ARHGAP31: variants seen among roughly 807,000 people sequenced by gnomAD.
ARHGAP31 encodes Rho GTPase activating protein 31.
Under a neutral mutation model 113.9 loss-of-function variants are expected in ARHGAP31, and 34 were observed. That is an observed-to-expected ratio of 0.30 (90% CI 0.23 to 0.40). The LOEUF is 0.40. Ranked by LOEUF, ARHGAP31 falls within the 10% of genes least tolerant of loss-of-function variation. The probability of loss-of-function intolerance (pLI) is 1.00; values close to 1 mark genes in which losing one functional copy is unlikely to be tolerated. For missense variants in ARHGAP31, 1,548 were observed against 1,767.1 expected, an observed-to-expected ratio of 0.88 and a Z score of 2.22; for synonymous variants, 650 against 684.8, an observed-to-expected ratio of 0.95 and a Z score of 0.79.
chr3:119,352,886 G>T (rs779038510), intron 1 of ARHGAP31, among the ~76,000 whole-genome samples: 1 of 152,130 alleles, frequency 6.6e-6, no homozygotes, highest in African/African-American at 2.4e-5. Flanking sequence ...TCTTCCACTG[G>T]ACTGGTCTAG....
intron 3 of ARHGAP31, among the ~76,000 whole-genome samples, chr3:119,369,953 T>A (rs984453642): frequency 4.1e-5 from 6 of 146,916 alleles, no homozygotes; most frequent in Non-Finnish European, 9.0e-5. Flanking sequence ...AATGAAGATT[T>A]AAAAAAAAAA....
rs778087581 is a variant in ARHGAP31, at chr3:119,414,130, C to A, written c.2201C>A (p.Ala734Asp). ...AGCACACAGGGGGCTTCCACAGCAG[C>A]CAGCAGAGAGAAGCCGGAACCTGAG... ...NQSTQGASTA[A>D]SREKPEPEQG... is the part of the protein sequence containing the mutation. The change falls in exon 12 of 12, where the codon GCC (alanine) becomes GAC (aspartate). Residue 734 changes from alanine to aspartate, a missense_variant. By Grantham distance (126) the Ala-to-Asp change is moderately radical (BLOSUM62 -2). Coordinates refer to ENST00000264245, the MANE Select transcript of ARHGAP31 (RefSeq NM_020754.4). 6.2e-7 allele frequency: 1 copy of A among 1,614,188 alleles called. No individual in the cohort carries two copies. The highest frequency in any genetic ancestry group is 1.1e-5 in the South Asian group (1 of 91,086).
chr3:119,341,258 C>T (rs2080005517), intron 1 of ARHGAP31, among the ~76,000 whole-genome samples: 1 of 152,124 alleles, frequency 6.6e-6, no homozygotes, highest in Non-Finnish European at 1.5e-5. Context: ...GGAGAGGGTG[C>T]ATCCAACTGA....
At chr3:119,349,583 C>CTA (rs1318286166) in intron 1 of ARHGAP31, among the ~76,000 whole-genome samples, 1 of 152,168 alleles carries the variant, frequency 6.6e-6, no homozygotes, top group Non-Finnish European at 1.5e-5. Flanking sequence ...GCATTCCTTG[C>CTA]TATAGACAAA....
chr3:119,344,690 C>T (rs1037536613), intron 1 of ARHGAP31, among the ~76,000 whole-genome samples: 14 of 152,018 alleles, frequency 9.2e-5, no homozygotes, highest in African/African-American at 2.9e-4. Flanking sequence ...AGTACAGTGG[C>T]GTGATCATGG....
chr3:119,382,331 C>T lies in ARHGAP31; in HGVS notation c.471C>T (p.Ala157=), dbSNP rs2080407994. The T allele has an allele frequency of 6.2e-7, 1 of 1,614,158 alleles. No homozygotes were observed. The highest frequency in any genetic ancestry group is 8.5e-7 in the Non-Finnish European group (1 of 1,180,020). The change falls in exon 5 of 12, where the codon GCC becomes GCT. Residue 157 remains alanine, a synonymous_variant. Coordinates refer to ENST00000264245, the MANE Select transcript of ARHGAP31 (RefSeq NM_020754.4). The part of the protein sequence containing the change: ...EYLIRHLAHI[A]SFSSKTNMHA... ...TGATTCGACACCTGGCCCATATCGC[C>T]TCCTTCAGCAGCAAGACCAACATGC...
intron 3 of ARHGAP31, among the ~76,000 whole-genome samples, chr3:119,378,200 A>G (rs919046428): frequency 5.3e-5 from 8 of 152,152 alleles, no homozygotes; most frequent in Admixed American, 1.3e-4. Flanking sequence ...AAACTGGGGT[A>G]GGTAAAATTT....
intron 1 of ARHGAP31, among the ~76,000 whole-genome samples, chr3:119,328,358 C>T (rs747912190): frequency 5.9e-5 from 9 of 152,150 alleles, no homozygotes; most frequent in Non-Finnish European, 1.3e-4. Flanking sequence ...ATGCTTGACT[C>T]TCTTGTCTCT....
intron 1 of ARHGAP31, among the ~76,000 whole-genome samples, chr3:119,329,442 G>A (rs2079872377): frequency 6.6e-6 from 1 of 152,214 alleles, no homozygotes; most frequent in Non-Finnish European, 1.5e-5. Flanking sequence ...AAACATTCAG[G>A]AGGTATTGAA....
chr3:119,297,850 G>C (rs966574877), intron 1 of ARHGAP31, among the ~76,000 whole-genome samples: 7 of 151,820 alleles, frequency 4.6e-5, no homozygotes, highest in Non-Finnish European at 1.0e-4. Flanking sequence ...ATTGCTCAGG[G>C]CCAGTTGTCA....
intron 10 of ARHGAP31, among the ~76,000 whole-genome samples, chr3:119,406,446 T>C (rs777512470): frequency 2.1e-4 from 32 of 152,236 alleles, no homozygotes; most frequent in Non-Finnish European, 3.5e-4. Flanking sequence ...AAATGATGTT[T>C]GCACGTCATG....
intron 4 of ARHGAP31, among the ~76,000 whole-genome samples, chr3:119,381,873 C>G (rs923120098): frequency 6.6e-6 from 1 of 151,532 alleles, no homozygotes; most frequent in Non-Finnish European, 1.5e-5. Flanking sequence ...TTAGTTCCAG[C>G]TAGTGGGGAG....
intron 1 of ARHGAP31, among the ~76,000 whole-genome samples, chr3:119,333,836 T>TA (rs1163766769): frequency 6.6e-6 from 1 of 152,282 alleles, no homozygotes; most frequent in Admixed American, 6.5e-5. Context: ...AAGTGTTTTA[T>TA]GACTGCTACT....
intron 10 of ARHGAP31, 51 bp from the exon 11 acceptor site, chr3:119,409,445 C>G (rs1452795083): frequency 1.2e-6 from 2 of 1,605,722 alleles, no homozygotes; most frequent in Admixed American, 3.4e-5. Context: ...TGGGAAGAGT[C>G]TCTCTTGAAA....
chr3:119,404,662 C>T (rs1202753941), intron 10 of ARHGAP31, among the ~76,000 whole-genome samples: 1 of 152,220 alleles, frequency 6.6e-6, no homozygotes, highest in Admixed American at 6.5e-5. Flanking sequence ...CTTTTAGTTG[C>T]TCTGGTCAAA....
At chr3:119,370,666 T>C (rs549866603) in intron 3 of ARHGAP31, among the ~76,000 whole-genome samples, 1 of 152,328 alleles carries the variant, frequency 6.6e-6, no homozygotes, top group East Asian at 1.9e-4. Context: ...AGTGTGATCA[T>C]CTTTGTGTGT....
chr3:119,388,324 A>ATATATATATATATG (rs2080472581), intron 6 of ARHGAP31, among the ~76,000 whole-genome samples: 1 of 149,316 alleles, frequency 6.7e-6, no homozygotes, highest in East Asian at 2.0e-4. Context: ...ATATATATAT[A>ATATATATATATATG]TGTACACATT....
chr3:119,394,966 A>G (rs2080536263), intron 8 of ARHGAP31, among the ~76,000 whole-genome samples: 1 of 152,244 alleles, frequency 6.6e-6, no homozygotes, highest in African/African-American at 2.4e-5. Context: ...CAAAATATTG[A>G]CACTTTAAAA....
chr3:119,341,363 A>G (rs1310069778), intron 1 of ARHGAP31, among the ~76,000 whole-genome samples: 2 of 152,200 alleles, frequency 1.3e-5, no homozygotes, highest in African/African-American at 2.4e-5. Context: ...GCAAACTAGT[A>G]TGTAACACTT....
Sources: allele counts gnomAD v4.1 joint callset (sites outside exome capture counted in the v4.1 genomes callset), GRCh38; gene constraint gnomAD v4.1.1; transcripts MANE v1.5; gene names NCBI Gene and HGNC (gene_info 2026-07-23, HGNC 2026-07-21).